LHFPL2: variants seen among roughly 807,000 people sequenced by gnomAD.
LHFPL2 encodes the protein LHFPL tetraspan subfamily member 2.
In LHFPL2, 7 loss-of-function variants were observed where a neutral mutation model predicts 17.5. That is an observed-to-expected ratio of 0.40 (90% CI 0.23 to 0.75). The LOEUF (loss-of-function observed/expected upper bound fraction) is 0.75, where lower values mean the gene tolerates loss of function less well. Among genes scored for constraint, LHFPL2 ranks in the 30% least tolerant of loss-of-function variants. The pLI is 0.37. For missense variants in LHFPL2, 241 were observed against 294.8 expected, an observed-to-expected ratio of 0.82 and a Z score of 1.34; for synonymous variants, 134 against 116.2, an observed-to-expected ratio of 1.15 and a Z score of -0.99.
chr5:78,514,014 C>A (rs1424413201), intron 3 of LHFPL2, among the ~76,000 whole-genome samples: 2 of 152,160 alleles, frequency 1.3e-5, no homozygotes, highest in African/African-American at 4.8e-5. Flanking sequence ...TGGCTAGGTG[C>A]ACTGAAAGGC....
intron 3 of LHFPL2, among the ~76,000 whole-genome samples, chr5:78,543,046 C>A (rs997981737): frequency 1.6e-4 from 25 of 152,316 alleles, no homozygotes; most frequent in Non-Finnish European, 3.1e-4. Flanking sequence ...GGAATGCCAG[C>A]AGCTGTGTTA....
chr5:78,613,999 C>G (rs886284177), intron 2 of LHFPL2, among the ~76,000 whole-genome samples: 1 of 152,216 alleles, frequency 6.6e-6, no homozygotes, highest in Non-Finnish European at 1.5e-5. Context: ...AATGCCACTT[C>G]ATCACAATAC....
intron 1 of LHFPL2, among the ~76,000 whole-genome samples, chr5:78,636,876 C>A (rs553362582): frequency 7.2e-5 from 11 of 151,938 alleles, no homozygotes; most frequent in Non-Finnish European, 1.3e-4. Context: ...TCTGTAAAAG[C>A]AAAAGCATGT....
intron 3 of LHFPL2, among the ~76,000 whole-genome samples, chr5:78,519,082 G>A (rs1308993433): frequency 6.6e-6 from 1 of 152,144 alleles, no homozygotes; most frequent in Admixed American, 6.5e-5. Flanking sequence ...TGGACTCCCA[G>A]GAGCTCCAGC....
chr5:78,507,880 T>C (rs942022659), intron 4 of LHFPL2, among the ~76,000 whole-genome samples: 7 of 151,954 alleles, frequency 4.6e-5, no homozygotes, highest in African/African-American at 1.2e-4. Flanking sequence ...AGCTACATGT[T>C]TGACTCTTCA....
intron 2 of LHFPL2, among the ~76,000 whole-genome samples, chr5:78,603,117 C>G (rs1580849211): frequency 6.6e-6 from 1 of 152,238 alleles, no homozygotes; most frequent in East Asian, 1.9e-4. Flanking sequence ...TGGTCTCGAT[C>G]TGCTGACCTC....
Position 78,510,020 on chromosome 5 carries a change from G to T in LHFPL2, c.194C>A (p.Ala65Asp). 6.2e-7 allele frequency: 1 copy of T among 1,612,370 alleles called. No homozygotes were observed. Among genetic ancestry groups the T allele is most frequent in the Non-Finnish European group, 8.5e-7 (1 of 1,179,370 alleles). Residue 65 changes from alanine (A) to aspartate (D), a missense_variant, in exon 4 of 5, where the codon GCC becomes GAC. Ala to Asp is a moderately radical substitution (Grantham distance 126). Transcript: ENST00000380345. ...EPYHPTLGIY[A>D]RCIRNPGVQH... ...CACCCCTGGGTTCCGGATGCAGCGG[G>T]CGTAGATGCCCAGGGTGGGGTGGTA...
chr5:78,492,043 TTGTTCCCTA>T (rs1754464016), intron 4 of LHFPL2, among the ~76,000 whole-genome samples: 1 of 152,172 alleles, frequency 6.6e-6, no homozygotes, highest in African/African-American at 2.4e-5. Flanking sequence ...GCATCCCACT[TTGTTCCCTA>T]TGAAGCCTCC....
intron 2 of LHFPL2, among the ~76,000 whole-genome samples, chr5:78,592,251 G>A (rs1455539901): frequency 1.3e-5 from 2 of 152,178 alleles, no homozygotes; most frequent in African/African-American, 2.4e-5. Context: ...TCTCCCAAAC[G>A]CTCAGGAAGG....
chr5:78,569,752 A>G (rs904367871), intron 2 of LHFPL2, among the ~76,000 whole-genome samples: 1 of 152,186 alleles, frequency 6.6e-6, no homozygotes, highest in African/African-American at 2.4e-5. Context: ...CTGCCACTCA[A>G]CCACAGTGGT....
chr5:78,542,115 CTT>C, intron 3 of LHFPL2, among the ~76,000 whole-genome samples: 1 of 145,918 alleles, frequency 6.9e-6, no homozygotes, highest in Non-Finnish European at 1.5e-5. Context: ...TGTCATTAAG[CTT>C]TTTTTTTTTT....
intron 2 of LHFPL2, among the ~76,000 whole-genome samples, chr5:78,604,338 G>C (rs936160368): frequency 6.6e-6 from 1 of 151,900 alleles, no homozygotes; most frequent in Non-Finnish European, 1.5e-5. Context: ...TTGGCTGGGC[G>C]TGGTGGTGGG....
chr5:78,525,363 C>T (rs1020387046), intron 3 of LHFPL2, among the ~76,000 whole-genome samples: 1 of 152,198 alleles, frequency 6.6e-6, no homozygotes, highest in Admixed American at 6.5e-5. Flanking sequence ...ATGTAAAGTG[C>T]TTTGCATAAA....
At chr5:78,515,885 C>T (rs1000538062) in intron 3 of LHFPL2, among the ~76,000 whole-genome samples, 13 of 152,326 alleles carry the variant, frequency 8.5e-5, no homozygotes, top group Middle Eastern at 3.4e-3. Flanking sequence ...ACAGACCCAG[C>T]AGCCAGACCA....
chr5:78,540,931 T>C (rs1237754764), intron 3 of LHFPL2, among the ~76,000 whole-genome samples: 1 of 152,194 alleles, frequency 6.6e-6, no homozygotes, highest in Non-Finnish European at 1.5e-5. Context: ...GTCTGTGACT[T>C]ACCTGTGTCC....
intron 4 of LHFPL2, among the ~76,000 whole-genome samples, chr5:78,503,418 C>T (rs1338223482): frequency 6.6e-6 from 1 of 152,198 alleles, no homozygotes; most frequent in African/African-American, 2.4e-5. Flanking sequence ...CCCGTCTTGG[C>T]CAGGTGCGGT....
chr5:78,627,278 C>A (rs1162052607), intron 2 of LHFPL2, among the ~76,000 whole-genome samples: 1 of 152,002 alleles, frequency 6.6e-6, no homozygotes, highest in Non-Finnish European at 1.5e-5. Context: ...TATGCACAGG[C>A]CCTCGAAGTT....
intron 2 of LHFPL2, among the ~76,000 whole-genome samples, chr5:78,592,974 A>G (rs1490990795): frequency 6.6e-6 from 1 of 152,170 alleles, no homozygotes; most frequent in Non-Finnish European, 1.5e-5. Context: ...AATACTATGA[A>G]CTGTATGCTT....
intron 3 of LHFPL2, among the ~76,000 whole-genome samples, chr5:78,528,440 T>C (rs1379290791): frequency 6.6e-6 from 1 of 152,168 alleles, no homozygotes; most frequent in Non-Finnish European, 1.5e-5. Context: ...GCATGCTCCT[T>C]ATGAGAATCT....
Sources: gnomAD v4.1 joint callset for allele counts (sites outside exome capture counted in the v4.1 genomes callset) on GRCh38, gnomAD v4.1.1 for gene constraint, MANE v1.5 for transcripts, NCBI Gene and HGNC (gene_info 2026-07-23, HGNC 2026-07-21) for gene names.